Variants in TFDP2 observed in about 807,000 individuals in gnomAD.
TFDP2 encodes transcription factor Dp-2.
TFDP2 carries 17 observed loss-of-function variants against 59.3 expected under a neutral mutation model. The observed-to-expected ratio is 0.29, with a 90% CI of 0.20 to 0.43. TFDP2 has a LOEUF of 0.43. Among genes scored for constraint, TFDP2 ranks in the 20% least tolerant of loss-of-function variants. TFDP2 has a pLI of 1.00. For missense variants in TFDP2, 391 were observed against 528.8 expected (o/e 0.74, Z 2.56); for synonymous variants, 180 against 194.7 (o/e 0.92, Z 0.63).
intron 7 of TFDP2, among the ~76,000 whole-genome samples, 196 bp downstream of exon 7, chr3:141,978,324 G>T (rs538758996): frequency 6.7e-6 from 1 of 149,672 alleles, no homozygotes. Flanking sequence ...CAGCCTGGGC[G>T]ACAGAGTGAG....
intron 3 of TFDP2, among the ~76,000 whole-genome samples, chr3:142,034,407 CTATTAAT>C (rs1401504168): frequency 2.6e-5 from 4 of 151,716 alleles, no homozygotes; most frequent in Non-Finnish European, 5.9e-5. Context: ...CCTGCACCAA[CTATTAAT>C]TAATTATTAA....
At chr3:141,986,761 C>T (rs540209672) in intron 6 of TFDP2, among the ~76,000 whole-genome samples, 1 of 152,146 alleles carries the variant, frequency 6.6e-6, no homozygotes, top group African/African-American at 2.4e-5. Flanking sequence ...TTCCTGCCAC[C>T]AGCAGTGTAT....
intron 3 of TFDP2, among the ~76,000 whole-genome samples, chr3:142,045,022 C>T (rs1322756650): frequency 6.6e-6 from 1 of 152,114 alleles, no homozygotes; most frequent in Non-Finnish European, 1.5e-5. Flanking sequence ...TTTTCAGATT[C>T]ATTAAACAAA....
At chr3:142,087,345 T>C (rs1039009501) in intron 3 of TFDP2, among the ~76,000 whole-genome samples, 2 of 152,180 alleles carry the variant, frequency 1.3e-5, no homozygotes, top group Non-Finnish European at 2.9e-5. Flanking sequence ...TAACACATGG[T>C]AAGTATTTGT....
Position 142,110,423 on chromosome 3 carries a change from G to C in TFDP2, c.-92-8582C>G, listed in dbSNP as rs140631319. ...GGAGGCTGAGGCGGGAGAATCACTT[G>C]AACCTGGAAGGTGGTGGTTGCAGTG... is the stretch of plus-strand genomic sequence containing the variant. On this transcript the variant is annotated intron_variant, in intron 1 of 12. Transcript: ENST00000489671. Among the ~76,000 whole-genome samples, 335 of 151,944 alleles carry C rather than the reference G, an allele frequency of 2.2e-3. 4 individuals are homozygous for C. In the East Asian group the frequency reaches 0.025, roughly 11 times the overall value.
chr3:142,128,651 T>TAGAA (rs1019388117), intron 1 of TFDP2, among the ~76,000 whole-genome samples: 9 of 112,986 alleles, frequency 8.0e-5, no homozygotes, highest in African/African-American at 3.0e-4. Context: ...ACAGACAAAA[T>TAGAA]AGAAAGAAAG....
intron 3 of TFDP2, among the ~76,000 whole-genome samples, chr3:142,059,023 G>A (rs2059832284): frequency 6.6e-6 from 1 of 152,116 alleles, no homozygotes; most frequent in East Asian, 1.9e-4. Flanking sequence ...TCATTACTTT[G>A]GAGATTCAAA....
chr3:142,107,376 C>T (rs1024559939), intron 1 of TFDP2, among the ~76,000 whole-genome samples: 2 of 151,680 alleles, frequency 1.3e-5, no homozygotes, highest in African/African-American at 2.4e-5. Flanking sequence ...GAATTACAGG[C>T]GCGTGCCACC....
chr3:142,019,711 A>T (rs1474945538), intron 3 of TFDP2, among the ~76,000 whole-genome samples: 1 of 151,024 alleles, frequency 6.6e-6, no homozygotes, highest in Non-Finnish European at 1.5e-5. Flanking sequence ...TCCTTGACCC[A>T]CCTGGAAGTT....
chr3:141,950,458 G>A lies in TFDP2; in HGVS notation c.*2055C>T, dbSNP rs1935824207. ...CCCATATTTTATCAATTTAAAGCATGAGAGCAGCAGAGATGGAGAGTAGAG... is the reference window on the plus strand; with the variant it reads ...CCCATATTTTATCAATTTAAAGCATAAGAGCAGCAGAGATGGAGAGTAGAG... On this transcript the variant is annotated 3_prime_UTR_variant, in exon 13 of 13. Transcript: ENST00000489671. The A allele has an allele frequency of 1.3e-5, 2 of 152,562 alleles. No homozygotes were observed. The highest frequency in any genetic ancestry group is 1.3e-4 in the Admixed American group (2 of 15,264). 9.5% of individuals were successfully genotyped at this position (152,562 alleles called of 1,614,324 possible).
At chr3:142,141,419 T>C (rs2062959467) in intron 1 of TFDP2, among the ~76,000 whole-genome samples, 1 of 152,166 alleles carries the variant, frequency 6.6e-6, no homozygotes, top group Non-Finnish European at 1.5e-5. Context: ...GGTACCTCAG[T>C]TGGAAATGCA....
rs1319390385 is a variant in TFDP2, at chr3:142,109,619, C to T, written c.-92-7778G>A. Among the ~76,000 whole-genome samples the T allele has an allele frequency of 2.1e-4, 32 of 152,126 alleles. 1 individual carries two copies. The highest frequency in any genetic ancestry group is 2.0e-3 in the Admixed American group (31 of 15,268). On this transcript the variant is annotated intron_variant, in intron 1 of 12. Transcript: ENST00000489671. ...CTGGGATTACAGGCATGAGCCACTG[C>T]ACCTGGCCAGCTACATAGTGTTTTG...
At chr3:141,955,125 C>T (rs1936435483) in intron 11 of TFDP2, among the ~76,000 whole-genome samples, 1 of 152,160 alleles carries the variant, frequency 6.6e-6, no homozygotes, top group African/African-American at 2.4e-5. Flanking sequence ...TGTCAGAACA[C>T]AGCTATTTAC....
At chr3:142,116,477 A>G (rs1387613074) in intron 1 of TFDP2, among the ~76,000 whole-genome samples, 1 of 152,226 alleles carries the variant, frequency 6.6e-6, no homozygotes, top group Non-Finnish European at 1.5e-5. Context: ...AGGAATGCCC[A>G]GGGCTACCAG....
Position 141,951,077 on chromosome 3 carries a change from A to C in TFDP2, c.*1436T>G, listed in dbSNP as rs1366917252. On this transcript the variant is annotated 3_prime_UTR_variant, in exon 13 of 13. Coordinates refer to ENST00000489671, the MANE Select transcript of TFDP2 (RefSeq NM_001178139.2). ...ACAGGAAGGAGCCTGCACTTCCCCC[A>C]TGGGATTTAAAAAAGAACCAATTTG... 1 of 152,168 alleles carries C rather than the reference A, an allele frequency of 6.6e-6. No homozygotes were observed. Among genetic ancestry groups the C allele is most frequent in the Non-Finnish European group, 1.5e-5 (1 of 68,038 alleles). The allele number at this position is 152,168 out of a possible 1,614,324, so 9.4% of individuals were successfully genotyped here. A position where few individuals can be genotyped will look rare whatever the true frequency, so the allele number is the denominator to read the frequency against.
chr3:141,956,702 A>G (rs1360995103), intron 11 of TFDP2, among the ~76,000 whole-genome samples: 1 of 152,074 alleles, frequency 6.6e-6, no homozygotes, highest in African/African-American at 2.4e-5. Flanking sequence ...GCTTGAGCTC[A>G]GAACTTTGAG....
In TFDP2 at chr3:141,978,874, T is replaced by TA. The variant is rs1246134294; in HGVS notation, c.357-193dup. 2.0e-5 allele frequency among the ~76,000 whole-genome samples: 3 copies of TA among 152,048 alleles called. No homozygotes were observed. The South Asian group carries it at 6.2e-4, about 32-fold the overall frequency. On this transcript the variant is annotated intron_variant, in intron 6 of 12. Coordinates refer to ENST00000489671, the MANE Select transcript of TFDP2 (RefSeq NM_001178139.2). ...TTAAAGGTCTAATAAAGTATAAAGT[T>TA]AGAGTGTTTTTCTATGCACAGCATT...
chr3:142,034,717 CT>C (rs34863684), intron 3 of TFDP2, among the ~76,000 whole-genome samples: 82,351 of 110,482 alleles, frequency 0.75, 28,880 homozygotes, highest in African/African-American at 0.85. Flanking sequence ...CTTCTCTTGG[CT>C]TTTTTTTTTT....
At chr3:142,103,787 T>C (rs938286912) in intron 1 of TFDP2, among the ~76,000 whole-genome samples, 1 of 152,106 alleles carries the variant, frequency 6.6e-6, no homozygotes, top group Non-Finnish European at 1.5e-5. Context: ...TTCGCAAAGA[T>C]CATAAATAAT....
Sources: gnomAD v4.1 joint callset for allele counts (sites outside exome capture counted in the v4.1 genomes callset) on GRCh38, gnomAD v4.1.1 for gene constraint, MANE v1.5 for transcripts, NCBI Gene and HGNC (gene_info 2026-07-23, HGNC 2026-07-21) for gene names.